The following NOL4 variants were observed in gnomAD, a reference collection of about 807,000 sequenced individuals.
NOL4 encodes cancer/testis antigen 125.
Under a neutral mutation model 75.9 loss-of-function variants are expected in NOL4, and 17 were observed. That is an observed-to-expected ratio of 0.22 (90% CI 0.15 to 0.34). The LOEUF (loss-of-function observed/expected upper bound fraction) is 0.34. NOL4 is among the 10% of genes least tolerant of loss of function. The pLI is 1.00. For synonymous variants in NOL4, 292 were observed against 289.9 expected (o/e 1.01, Z -0.07); for missense variants, 614 against 793.5 (o/e 0.77, Z 2.72).
At chr18:34,143,284 A>G (rs1039886084) in intron 1 of NOL4, among the ~76,000 whole-genome samples, 2 of 152,222 alleles carry the variant, frequency 1.3e-5, no homozygotes, top group African/African-American at 2.4e-5. Context: ...ATAAGGTTAT[A>G]AACAGTACTG....
intron 1 of NOL4, among the ~76,000 whole-genome samples, chr18:34,204,389 T>G (rs2035975694): frequency 7.6e-6 from 1 of 132,260 alleles, no homozygotes; most frequent in African/African-American, 3.6e-5. Flanking sequence ...CCTTTTTATT[T>G]TAATATTCTG....
At chr18:33,971,666 T>A (rs1351029069) in intron 6 of NOL4, among the ~76,000 whole-genome samples, 2 of 152,204 alleles carry the variant, frequency 1.3e-5, no homozygotes, top group Non-Finnish European at 2.9e-5. Flanking sequence ...AGTCTTAAAG[T>A]ACTTTCATCA....
chr18:33,974,641 T>A (rs979291910), intron 6 of NOL4, among the ~76,000 whole-genome samples: 13 of 152,118 alleles, frequency 8.5e-5, no homozygotes, highest in Non-Finnish European at 4.4e-5. Context: ...ATGAAAAAGT[T>A]TATTACATTG....
intron 1 of NOL4, among the ~76,000 whole-genome samples, chr18:34,178,864 C>T (rs1234441799): frequency 2.0e-5 from 3 of 151,684 alleles, no homozygotes; most frequent in Non-Finnish European, 4.4e-5. Context: ...CTACAGAATA[C>T]TTCATCCAAC....
intron 5 of NOL4, among the ~76,000 whole-genome samples, chr18:34,056,650 G>A (rs2076845738): frequency 6.6e-6 from 1 of 152,136 alleles, no homozygotes. Flanking sequence ...TAAAAGAAGA[G>A]CCCTTGTATG....
At chr18:33,912,593 T>C (rs2066474993) in intron 9 of NOL4, among the ~76,000 whole-genome samples, 1 of 152,064 alleles carries the variant, frequency 6.6e-6, no homozygotes. Context: ...AACATAAGCC[T>C]TTTGTTCCTT....
At chr18:33,921,696 A>C (rs2067048595) in intron 9 of NOL4, among the ~76,000 whole-genome samples, 1 of 152,148 alleles carries the variant, frequency 6.6e-6, no homozygotes. Context: ...CCCTTCTAAT[A>C]CTTTGATTTT....
At chr18:33,993,400 T>C (rs917010922) in intron 6 of NOL4, among the ~76,000 whole-genome samples, 4 of 151,840 alleles carry the variant, frequency 2.6e-5, no homozygotes, top group African/African-American at 7.3e-5. Flanking sequence ...CATGATGTAG[T>C]AGAAAGGGAA....
chr18:33,939,630 T>C (rs1417595510), intron 9 of NOL4, among the ~76,000 whole-genome samples: 1 of 152,158 alleles, frequency 6.6e-6, no homozygotes, highest in African/African-American at 2.4e-5. Context: ...TTTTATATCC[T>C]GAGACTTTGC....
intron 1 of NOL4, among the ~76,000 whole-genome samples, chr18:34,149,577 G>T (rs2081557603): frequency 6.6e-6 from 1 of 151,546 alleles, no homozygotes; most frequent in African/African-American, 2.4e-5. Context: ...TAGCAAGTAA[G>T]ATCTGTGAGA....
At chr18:34,143,156 C>G (rs2081255639) in intron 1 of NOL4, among the ~76,000 whole-genome samples, 2 of 151,922 alleles carry the variant, frequency 1.3e-5, no homozygotes, top group African/African-American at 4.8e-5. Flanking sequence ...TCAAACAATC[C>G]ACAATGTAGA....
intron 1 of NOL4, among the ~76,000 whole-genome samples, chr18:34,163,916 G>C (rs1179563891): frequency 6.6e-6 from 1 of 152,122 alleles, no homozygotes; most frequent in South Asian, 2.1e-4. Flanking sequence ...GAACGGAACA[G>C]AGCCCTCAGA....
intron 10 of NOL4, among the ~76,000 whole-genome samples, chr18:33,853,919 T>A (rs571289617): frequency 1.3e-5 from 2 of 152,252 alleles, no homozygotes; most frequent in East Asian, 3.9e-4. Flanking sequence ...AATCTTTTAT[T>A]CAGTCATTTG....
At chr18:34,154,345 T>C (rs1241818151) in intron 1 of NOL4, among the ~76,000 whole-genome samples, 2 of 151,908 alleles carry the variant, frequency 1.3e-5, no homozygotes, top group Non-Finnish European at 2.9e-5. Context: ...GTTCCAGAAA[T>C]AGAAGAGTAG....
chr18:33,880,305 CTGTGTGTGTGTGTGTG>C (rs61306180), intron 10 of NOL4, among the ~76,000 whole-genome samples: 4 of 144,394 alleles, frequency 2.8e-5, no homozygotes, highest in Non-Finnish European at 4.6e-5. Flanking sequence ...CAAAAGGGGT[CTGTGTGTGTGTGTGTG>C]TGTGTGTGTG....
intron 5 of NOL4, among the ~76,000 whole-genome samples, chr18:34,088,703 T>C (rs1050366273): frequency 4.6e-5 from 7 of 152,128 alleles, no homozygotes; most frequent in Non-Finnish European, 1.0e-4. Flanking sequence ...AAAAACATTC[T>C]TTTAAGTCTG....
At chr18:34,181,058 G>A (rs2033992559) in intron 1 of NOL4, among the ~76,000 whole-genome samples, 1 of 151,116 alleles carries the variant, frequency 6.6e-6, no homozygotes, top group Admixed American at 6.6e-5. Context: ...TTGGAAGGAG[G>A]CCAAAAATTG....
chr18:34,155,975 T>C (rs2030314843), intron 1 of NOL4, among the ~76,000 whole-genome samples: 1 of 152,044 alleles, frequency 6.6e-6, no homozygotes, highest in African/African-American at 2.4e-5. Context: ...GAACAGAAAA[T>C]GCTTTCCTAT....
intron 9 of NOL4, among the ~76,000 whole-genome samples, chr18:33,934,082 A>C (rs545089067): frequency 1.3e-5 from 2 of 152,228 alleles, no homozygotes; most frequent in South Asian, 4.1e-4. Flanking sequence ...ATCTCCTTGC[A>C]CATCTCCATC....
Sources: gnomAD v4.1 joint callset for allele counts (sites outside exome capture counted in the v4.1 genomes callset) on GRCh38, gnomAD v4.1.1 for gene constraint, MANE v1.5 for transcripts, NCBI Gene and HGNC (gene_info 2026-07-23, HGNC 2026-07-21) for gene names.